CDH9: variants seen among roughly 807,000 people sequenced by gnomAD.
CDH9 encodes the protein cadherin 9.
A neutral mutation model predicts 70.9 loss-of-function variants in CDH9; 28 were observed. The ratio of observed to expected loss-of-function variants is 0.40; its 90% CI spans 0.29 to 0.54. The LOEUF (loss-of-function observed/expected upper bound fraction) is 0.54, where lower values mean the gene tolerates loss of function less well. CDH9 is among the 20% of genes least tolerant of loss of function. The pLI is 0.59. For synonymous variants in CDH9, 409 were observed against 343.1 expected, an observed-to-expected ratio of 1.19 and a Z score of -2.12; for missense variants, 874 against 984.4, an observed-to-expected ratio of 0.89 and a Z score of 1.50.
intron 1 of CDH9, among the ~76,000 whole-genome samples, chr5:27,023,658 CT>C (rs1193987886): frequency 2.0e-5 from 3 of 151,976 alleles, no homozygotes; most frequent in Non-Finnish European, 4.4e-5. Flanking sequence ...TTGCTTTCTT[CT>C]TGCTGTAATA....
chr5:26,976,566 G>A (rs1382005775), intron 2 of CDH9, among the ~76,000 whole-genome samples: 1 of 151,960 alleles, frequency 6.6e-6, no homozygotes, highest in East Asian at 1.9e-4. Context: ...GCCTCCCAAA[G>A]AGCTGAGACC....
At chr5:26,992,598 C>G (rs921539702) in intron 1 of CDH9, among the ~76,000 whole-genome samples, 1 of 151,980 alleles carries the variant, frequency 6.6e-6, no homozygotes, top group African/African-American at 2.4e-5. Context: ...AAGATTAGTA[C>G]CAGAAGTGGG....
intron 2 of CDH9, among the ~76,000 whole-genome samples, chr5:26,984,259 T>G (rs756064069): frequency 6.6e-6 from 1 of 152,140 alleles, no homozygotes; most frequent in African/African-American, 2.4e-5. Context: ...GCTCATTAGC[T>G]CCACGTTCCT....
rs536095142 is a variant in CDH9 at position 26,970,124 on chromosome 5, TTAAA to T, written c.228+17978_228+17981del. On this transcript the variant is annotated intron_variant, in intron 2 of 11. Transcript: ENST00000231021. ...AAGTTAAATAAATGGTGTAATTAAG[TTAAA>T]TATAGTTATTAAATTAATAAAGTTA... is the stretch of plus-strand genomic sequence containing the variant. Among the ~76,000 whole-genome samples the T allele has an allele frequency of 6.7e-3, 1,021 of 151,326 alleles. 9 individuals are homozygous for T. Among genetic ancestry groups the T allele is most frequent in the African/African-American group, 0.023 (971 of 41,388 alleles).
intron 1 of CDH9, among the ~76,000 whole-genome samples, chr5:27,027,831 T>C (rs561251463): frequency 2.0e-5 from 3 of 152,056 alleles, no homozygotes; most frequent in Non-Finnish European, 2.9e-5. Context: ...ATCAGCCTAG[T>C]GCACTTTTGT....
At chr5:26,991,744 G>T (rs1039798080) in intron 1 of CDH9, among the ~76,000 whole-genome samples, 3 of 152,196 alleles carry the variant, frequency 2.0e-5, no homozygotes, top group African/African-American at 7.2e-5. Flanking sequence ...TAAAAATAAG[G>T]TGTAACTTCT....
intron 7 of CDH9, among the ~76,000 whole-genome samples, chr5:26,899,809 G>A (rs1740820388): frequency 6.6e-6 from 1 of 151,322 alleles, no homozygotes; most frequent in South Asian, 2.1e-4. Flanking sequence ...CGTAGCACGT[G>A]TATATCTATG....
In CDH9 at chr5:26,903,768, T is replaced by A. The variant is rs369996366; in HGVS notation, c.868A>T (p.Ile290Leu). The A allele has an allele frequency of 1.9e-6, 3 of 1,608,046 alleles. No individual in the cohort carries two copies. In the African/African-American group the frequency reaches 4.0e-5, roughly 22 times the overall value. ...CCCACGTCAGGGTCATTGGCTTTTA[T>A]CCTTCCAAGATGAGTTCCAAGAGGT... The part of the protein sequence containing the change: ...SVPLGTHLGR[I>L]KANDPDVGEN... The change falls in exon 6 of 12, where the codon ATA (isoleucine) becomes TTA (leucine). Residue 290 changes from isoleucine (I) to leucine (L), a missense_variant. Physicochemically the swap from Ile to Leu is conservative, Grantham distance 5 (BLOSUM62 2). Transcript: ENST00000231021.
chr5:27,029,913 A>G (rs1743281860), intron 1 of CDH9, among the ~76,000 whole-genome samples: 1 of 151,988 alleles, frequency 6.6e-6, no homozygotes, highest in African/African-American at 2.4e-5. Flanking sequence ...CAGCTTCTTA[A>G]TGTGAAAAGT....
intron 1 of CDH9, among the ~76,000 whole-genome samples, chr5:27,025,143 A>G (rs1743200356): frequency 6.6e-6 from 1 of 151,700 alleles, no homozygotes; most frequent in Non-Finnish European, 1.5e-5. Flanking sequence ...TATTGTGTAG[A>G]TTGAGAAGCA....
At chr5:26,924,466 A>G (rs1178400057) in intron 2 of CDH9, among the ~76,000 whole-genome samples, 1 of 151,184 alleles carries the variant, frequency 6.6e-6, no homozygotes, top group Non-Finnish European at 1.5e-5. Context: ...TTACCAATCT[A>G]AAAATAATTC....
At position 26,972,740 on chromosome 5, in the gene CDH9, T is replaced by C. The variant is rs112785028; in HGVS notation, c.228+15366A>G. Among the ~76,000 whole-genome samples, 653 of 152,264 alleles carry C rather than the reference T, an allele frequency of 4.3e-3. 4 individuals carry two copies. Among genetic ancestry groups the C allele is most frequent in the African/African-American group, 0.015 (622 of 41,562 alleles). On this transcript the variant is annotated intron_variant, in intron 2 of 11. Coordinates refer to ENST00000231021, the MANE Select transcript of CDH9 (RefSeq NM_016279.4). Reference sequence around the variant, plus strand: ...GCTTTAACAACATATGGTCAAACACTGAAAAAAGTCCTCTGCTCCTGCACT... The same window carrying C: ...GCTTTAACAACATATGGTCAAACACCGAAAAAAGTCCTCTGCTCCTGCACT...
At chr5:27,022,046 C>T (rs1479781178) in intron 1 of CDH9, among the ~76,000 whole-genome samples, 1 of 151,936 alleles carries the variant, frequency 6.6e-6, no homozygotes, top group Non-Finnish European at 1.5e-5. Flanking sequence ...GGGTGCTTAT[C>T]TTACACCTTC....
At chr5:26,910,248 T>TATC (rs1296415484) in intron 3 of CDH9, among the ~76,000 whole-genome samples, 7 of 150,928 alleles carry the variant, frequency 4.6e-5, no homozygotes, top group African/African-American at 1.7e-4. Context: ...TCTATCTATC[T>TATC]ATCTATCTAT....
At chr5:26,980,714 A>G (rs188054363) in intron 2 of CDH9, among the ~76,000 whole-genome samples, 1 of 152,166 alleles carries the variant, frequency 6.6e-6, no homozygotes, top group African/African-American at 2.4e-5. Context: ...ATTCTAGTGC[A>G]AAATTAAGCT....
At chr5:26,883,076 TATATATATATATATATATAA>T (rs1561181206) in intron 11 of CDH9, among the ~76,000 whole-genome samples, 5 of 128,388 alleles carry the variant, frequency 3.9e-5, no homozygotes, top group African/African-American at 1.4e-4. Context: ...TATATATATA[TATATATATATATATATATAA>T]AACTGCAGTA....
At chr5:27,004,368 A>G (rs1742823448) in intron 1 of CDH9, among the ~76,000 whole-genome samples, 1 of 152,130 alleles carries the variant, frequency 6.6e-6, no homozygotes, top group African/African-American at 2.4e-5. Flanking sequence ...AATTGAAGGG[A>G]CAGCAGGATT....
chr5:26,920,081 G>C (rs1741217814), intron 2 of CDH9, among the ~76,000 whole-genome samples: 1 of 152,014 alleles, frequency 6.6e-6, no homozygotes, highest in African/African-American at 2.4e-5. Context: ...TAATCCTGGG[G>C]TACCAATTAT....
rs533774196 is a variant in CDH9, at chr5:26,942,256, G to A, written c.229-26332C>T. Among the ~76,000 whole-genome samples, 4 of 152,250 alleles carry A rather than the reference G, an allele frequency of 2.6e-5. No individual in the cohort carries two copies. In the East Asian group the frequency reaches 7.7e-4, roughly 29 times the overall value. On this transcript the variant is annotated intron_variant, in intron 2 of 11. Transcript: ENST00000231021. ...GAACTCACTCAGTATCACAAGAACA[G>A]CAGCATGGCAGTAACCACCCCCACA...
Sources: gnomAD v4.1 joint callset for allele counts (sites outside exome capture counted in the v4.1 genomes callset) on GRCh38, gnomAD v4.1.1 for gene constraint, MANE v1.5 for transcripts, NCBI Gene and HGNC (gene_info 2026-07-23, HGNC 2026-07-21) for gene names.